Variants in ENDOV observed in about 807,000 individuals in gnomAD.
ENDOV encodes the protein hEndoV.
Under a neutral mutation model 39.4 loss-of-function variants are expected in ENDOV, and 37 were observed. The observed-to-expected ratio is 0.94, with a 90% CI of 0.72 to 1.23. The LOEUF is 1.23. ENDOV is among the 50% of genes most tolerant of loss of function. The pLI, the probability that ENDOV is intolerant of heterozygous loss-of-function variation, is 0.00. For missense variants in ENDOV, 441 were observed against 375.7 expected (o/e 1.17, Z -1.44); for synonymous variants, 186 against 163.4 (o/e 1.14, Z -1.05).
chr17:80,427,708 C>T (rs1394882427), intron 7 of ENDOV: 1 of 1,288,178 alleles, frequency 7.8e-7, no homozygotes, highest in Non-Finnish European at 1.0e-6. Flanking sequence ...TGGGAGAGCA[C>T]AGACGGGGTT....
intron 7 of ENDOV, 121 bp downstream of exon 7, chr17:80,425,741 C>T: frequency 6.9e-7 from 1 of 1,448,282 alleles, no homozygotes; most frequent in Non-Finnish European, 9.2e-7. Flanking sequence ...ACGGGGGTTC[C>T]TGGGCCGAGG....
rs1438372818 is a variant in ENDOV at position 80,428,398 on chromosome 17, C to G, written c.715-198C>G. The G allele has an allele frequency of 2.5e-5, 15 of 597,776 alleles. No individual in the cohort carries two copies. In the South Asian group the frequency reaches 2.8e-4, roughly 11 times the overall value. The allele number at this position is 597,776 out of a possible 1,614,324, so 37.0% of individuals were successfully genotyped here. On this transcript the variant is annotated intron_variant, in intron 7 of 9. Coordinates refer to ENST00000518137, the MANE Select transcript of ENDOV (RefSeq NM_173627.5). ...CGGTTTGAGAGCTGCCATTGCGGGGCTTTGACCCCAAAGTCCCAGGCATGC... is the reference window on the plus strand; with the variant it reads ...CGGTTTGAGAGCTGCCATTGCGGGGGTTTGACCCCAAAGTCCCAGGCATGC...
At chr17:80,421,282 A>T (rs1213616886) in intron 2 of ENDOV, among the ~76,000 whole-genome samples, 1 of 151,366 alleles carries the variant, frequency 6.6e-6, no homozygotes, top group Non-Finnish European at 1.5e-5. Flanking sequence ...CTTCCTATGG[A>T]CCGGGTCCCG....
rs201508694 is a variant in ENDOV at position 80,421,985 on chromosome 17, G to A, written c.363+23G>A. The A allele has an allele frequency of 4.7e-4, 756 of 1,604,808 alleles. 3 individuals are homozygous for A. Among genetic ancestry groups the A allele is most frequent in the South Asian group, 3.6e-3 (323 of 90,454 alleles). ...CAGGCAGGTGTCTCATCCCTAGGAC[G>A]AGAGAAAGGTCCCTCCTTCCCCCTG... is the stretch of plus-strand genomic sequence containing the variant. On this transcript the variant is annotated intron_variant, in intron 3 of 9. Transcript: ENST00000518137.
chr17:80,433,115 G>A (rs373111078), intron 9 of ENDOV: 44 of 519,972 alleles, frequency 8.5e-5, no homozygotes, highest in Admixed American at 5.6e-4. Context: ...CCAGAGCTCC[G>A]GGAGCACAGG....
intron 7 of ENDOV, 122 bp from the exon 8 acceptor site, chr17:80,428,474 C>G: frequency 1.1e-6 from 1 of 931,316 alleles, no homozygotes; most frequent in Non-Finnish European, 1.6e-6. Context: ...GAAGAACTGG[C>G]TGTGACCTGT....
intron 2 of ENDOV, chr17:80,419,280 A>G (rs1052489180): frequency 5.7e-6 from 2 of 347,900 alleles, no homozygotes; most frequent in African/African-American, 4.2e-5. Flanking sequence ...CTTTCCTGTG[A>G]TTCTGAAGCA....
intron 6 of ENDOV, 79 bp downstream of exon 6, chr17:80,425,179 C>CA: frequency 8.1e-7 from 1 of 1,235,262 alleles, no homozygotes; most frequent in Non-Finnish European, 1.1e-6. Context: ...TGCATGCAGA[C>CA]ACGCGTGCAC....
At chr17:80,422,566 C>T (rs1011546519) in intron 4 of ENDOV, among the ~76,000 whole-genome samples, 4 of 152,254 alleles carry the variant, frequency 2.6e-5, no homozygotes, top group South Asian at 2.1e-4. Flanking sequence ...TCCCAGGGCC[C>T]GGGCTCAGAG....
At chr17:80,419,040 G>A (rs895939057) in intron 2 of ENDOV, among the ~76,000 whole-genome samples, 4 of 151,998 alleles carry the variant, frequency 2.6e-5, no homozygotes, top group Admixed American at 2.0e-4. Context: ...GGGCATGGTG[G>A]CGGGCACCTG....
intron 9 of ENDOV, chr17:80,430,279 A>C: frequency 6.7e-7 from 1 of 1,490,674 alleles, no homozygotes; most frequent in Non-Finnish European, 8.9e-7. Flanking sequence ...TGCAGCCTGC[A>C]CGACCCCTGC....
chr17:80,420,579 G>A (rs1451120340), intron 2 of ENDOV: 2 of 152,266 alleles, frequency 1.3e-5, no homozygotes, highest in Non-Finnish European at 2.9e-5. Context: ...AGGAGTGGAA[G>A]TTGTGATTTG....
intron 4 of ENDOV, among the ~76,000 whole-genome samples, chr17:80,423,046 C>A (rs2082257939): frequency 6.6e-6 from 1 of 152,232 alleles, no homozygotes; most frequent in South Asian, 2.1e-4. Flanking sequence ...GCGGGCGGCG[C>A]AGCAGCACCC....
intron 1 of ENDOV, 157 bp downstream of exon 1, chr17:80,415,407 T>A: frequency 9.4e-7 from 1 of 1,069,232 alleles, no homozygotes; most frequent in Non-Finnish European, 1.3e-6. Flanking sequence ...CGGAGGGATC[T>A]CAGGAATTGT....
At chr17:80,427,302 G>A (rs1303567499) in intron 7 of ENDOV, 1 of 450,278 alleles carries the variant, frequency 2.2e-6, no homozygotes, top group Non-Finnish European at 2.9e-6. Context: ...TTCAGCCACA[G>A]GAACTTTAGG....
At chr17:80,415,869 G>A in intron 2 of ENDOV, 48 bp downstream of exon 2, 1 of 1,550,308 alleles carries the variant, frequency 6.5e-7, no homozygotes. Flanking sequence ...CGGTGGGCTC[G>A]GGCGTGCGGT....
chr17:80,415,587 C>T (rs996686516), intron 1 of ENDOV, 63 bp from the exon 2 acceptor site: 1 of 1,556,136 alleles, frequency 6.4e-7, no homozygotes, highest in African/African-American at 1.4e-5. Context: ...TGCAGCCGCG[C>T]GGGTGGAGGA....
chr17:80,415,536 C>T, intron 1 of ENDOV, 114 bp from the exon 2 acceptor site: 2 of 1,353,258 alleles, frequency 1.5e-6, no homozygotes, highest in South Asian at 1.4e-5. Flanking sequence ...CCTTGCTTTC[C>T]CTTGAAGCGG....
chr17:80,425,811 G>T (rs530968700), intron 7 of ENDOV, among the ~76,000 whole-genome samples, 191 bp downstream of exon 7: 2 of 152,120 alleles, frequency 1.3e-5, no homozygotes. Context: ...ACAGTAGACT[G>T]GGGGGTGCAG....
Sources: allele counts gnomAD v4.1 joint callset (sites outside exome capture counted in the v4.1 genomes callset), GRCh38; gene constraint gnomAD v4.1.1; transcripts MANE v1.5; gene names NCBI Gene and HGNC (gene_info 2026-07-23, HGNC 2026-07-21).